TMEM267: variants seen among roughly 807,000 people sequenced by gnomAD.
The protein encoded by TMEM267 is transmembrane protein C5orf28.
Under a neutral mutation model 19.3 loss-of-function variants are expected in TMEM267, and 20 were observed. The observed-to-expected ratio is 1.04, with a 90% CI of 0.73 to 1.51. The LOEUF is 1.51. Among genes scored for constraint, TMEM267 ranks in the 40% most tolerant of loss-of-function variants. The pLI is 0.00. For synonymous variants in TMEM267, 88 were observed against 90.3 expected (o/e 0.97, Z 0.15); for missense variants, 242 against 261.9 (o/e 0.92, Z 0.52).
At chr5:43,471,464 C>T (rs1744063555) in intron 1 of TMEM267, among the ~76,000 whole-genome samples, 2 of 151,332 alleles carry the variant, frequency 1.3e-5, no homozygotes, top group African/African-American at 4.8e-5. Context: ...TATGGACCCA[C>T]AAAAGGCCCA....
intron 1 of TMEM267, among the ~76,000 whole-genome samples, chr5:43,467,439 T>C (rs546368360): frequency 6.6e-6 from 1 of 152,278 alleles, no homozygotes; most frequent in Admixed American, 6.5e-5. Flanking sequence ...GGAATAGCTA[T>C]ACCTATACTG....
At chr5:43,480,797 CTTTTTTTTT>C (rs869260304) in intron 1 of TMEM267, among the ~76,000 whole-genome samples, 9 of 79,566 alleles carry the variant, frequency 1.1e-4, no homozygotes, top group African/African-American at 4.6e-4. Context: ...AATAATCTTA[CTTTTTTTTT>C]TTTTTTTTTT....
At chr5:43,466,792 G>C (rs960959115) in intron 1 of TMEM267, among the ~76,000 whole-genome samples, 1 of 151,922 alleles carries the variant, frequency 6.6e-6, no homozygotes, top group South Asian at 2.1e-4. Context: ...AAAATAAAAA[G>C]CAAGAAACTA....
intron 1 of TMEM267, among the ~76,000 whole-genome samples, chr5:43,481,106 CT>C (rs70994700): frequency 0.058 from 7,152 of 124,360 alleles, 159 homozygotes; most frequent in East Asian, 0.14. Context: ...GCCCGGCTTA[CT>C]TTTTTTTTTT....
At chr5:43,453,429 C>T (rs1007406936) in intron 2 of TMEM267, among the ~76,000 whole-genome samples, 9 of 152,178 alleles carry the variant, frequency 5.9e-5, no homozygotes, top group African/African-American at 2.2e-4. Flanking sequence ...AGGTACAGTT[C>T]GTGGGTCTTT....
At chr5:43,468,133 G>A (rs1032171208) in intron 1 of TMEM267, among the ~76,000 whole-genome samples, 7 of 151,680 alleles carry the variant, frequency 4.6e-5, no homozygotes, top group Admixed American at 2.6e-4. Flanking sequence ...GTGGGGGGGC[G>A]GGTGTCTAGT....
intron 1 of TMEM267, among the ~76,000 whole-genome samples, chr5:43,463,844 T>C (rs1743434059): frequency 6.6e-6 from 1 of 152,162 alleles, no homozygotes; most frequent in Non-Finnish European, 1.5e-5. Context: ...GCACAGCCAA[T>C]ATCATACGGA....
In TMEM267 at chr5:43,464,882, G is replaced by T. The variant is rs148463265; in HGVS notation, c.-74-10839C>A. Among the ~76,000 whole-genome samples, 729 of 152,290 alleles carry T rather than the reference G, an allele frequency of 4.8e-3. 9 individuals are homozygous for T. Among genetic ancestry groups the T allele is most frequent in the African/African-American group, 0.017 (697 of 41,550 alleles). Reference sequence around the variant, plus strand: ...AAGAAAACCTAGTCAATACCATTCAGGACACAGGCATGGGCAAGGACTTCA... The same window carrying T: ...AAGAAAACCTAGTCAATACCATTCATGACACAGGCATGGGCAAGGACTTCA... On this transcript the variant is annotated intron_variant, in intron 1 of 2. Coordinates refer to ENST00000397080, the MANE Select transcript of TMEM267 (RefSeq NM_022483.5).
chr5:43,464,090 A>G (rs1360826504), intron 1 of TMEM267, among the ~76,000 whole-genome samples: 1 of 152,232 alleles, frequency 6.6e-6, no homozygotes, highest in Non-Finnish European at 1.5e-5. Context: ...TTAAGTTGAT[A>G]AGCAACTTCA....
In TMEM267 at chr5:43,446,040, T is replaced by C. The variant is rs1021241609; in HGVS notation, c.*182A>G. The C allele has an allele frequency of 3.9e-5, 17 of 431,348 alleles. No homozygotes were observed. The highest frequency in any genetic ancestry group is 6.0e-5 in the African/African-American group (3 of 49,632). 26.7% of individuals were successfully genotyped at this position (431,348 alleles called of 1,614,324 possible). A position where few individuals can be genotyped will look rare whatever the true frequency, so the allele number is the denominator to read the frequency against. The stretch of plus-strand genomic sequence containing the variant: ...CTAGAGTTGTCATAGAAGAGAGAAG[T>C]AGAATAATAACAAGTATAATTTTTA... On this transcript the variant is annotated 3_prime_UTR_variant, in exon 3 of 3. Coordinates refer to ENST00000397080, the MANE Select transcript of TMEM267 (RefSeq NM_022483.5).
chr5:43,454,121 A>G (rs1288663286), intron 1 of TMEM267, 78 bp from the exon 2 acceptor site: 2 of 1,016,474 alleles, frequency 2.0e-6, no homozygotes, highest in Non-Finnish European at 2.7e-6. Flanking sequence ...AGTATCAGCA[A>G]TAATTTCACA....
At chr5:43,468,119 G>T (rs1259536630) in intron 1 of TMEM267, among the ~76,000 whole-genome samples, 1 of 151,900 alleles carries the variant, frequency 6.6e-6, no homozygotes, top group Non-Finnish European at 1.5e-5. Context: ...GTTTAGGAAG[G>T]GGAGTGGGGG....
chr5:43,454,111 A>C, intron 1 of TMEM267, 68 bp from the exon 2 acceptor site: 5 of 1,086,568 alleles, frequency 4.6e-6, no homozygotes, highest in Non-Finnish European at 6.3e-6. Flanking sequence ...TAAACAAAAC[A>C]GTATCAGCAA....
At chr5:43,452,156 C>A (rs185984572) in intron 2 of TMEM267, among the ~76,000 whole-genome samples, 1 of 150,382 alleles carries the variant, frequency 6.6e-6, no homozygotes, top group Non-Finnish European at 1.5e-5. Context: ...ATGATTATGA[C>A]AGCACTATAC....
intron 1 of TMEM267, among the ~76,000 whole-genome samples, chr5:43,466,453 A>G (rs763931505): frequency 8.5e-5 from 13 of 152,204 alleles, no homozygotes; most frequent in Non-Finnish European, 1.8e-4. Context: ...CAGACAAACA[A>G]ACACTGAGGG....
At chr5:43,459,877 G>T (rs914201292) in intron 1 of TMEM267, among the ~76,000 whole-genome samples, 3 of 152,218 alleles carry the variant, frequency 2.0e-5, no homozygotes, top group African/African-American at 7.2e-5. Context: ...GTTTTGCGAT[G>T]ATTCAAGTGC....
intron 1 of TMEM267, among the ~76,000 whole-genome samples, chr5:43,472,231 C>T (rs1246209511): frequency 6.6e-6 from 1 of 152,062 alleles, no homozygotes; most frequent in Admixed American, 6.5e-5. Context: ...CAAATCAAAA[C>T]TATAATGAGG....
chr5:43,464,794 G>C (rs376548776), intron 1 of TMEM267, among the ~76,000 whole-genome samples: 73 of 151,610 alleles, frequency 4.8e-4, no homozygotes, highest in South Asian at 1.5e-3. Context: ...ACACCTTATA[G>C]AAAAATTAAT....
chr5:43,472,638 C>T (rs957107264), intron 1 of TMEM267, among the ~76,000 whole-genome samples: 1 of 152,100 alleles, frequency 6.6e-6, no homozygotes, highest in East Asian at 1.9e-4. Context: ...CAGTTATTTG[C>T]AACAACATGG....
Sources: allele counts gnomAD v4.1 joint callset (sites outside exome capture counted in the v4.1 genomes callset), GRCh38; gene constraint gnomAD v4.1.1; transcripts MANE v1.5; gene names NCBI Gene and HGNC (gene_info 2026-07-23, HGNC 2026-07-21).